The following ANKRD17 variants were observed in gnomAD, a reference collection of about 807,000 sequenced individuals.
The protein encoded by ANKRD17 is ankyrin repeat domain 17.
ANKRD17 carries 19 observed loss-of-function variants against 229.7 expected under a neutral mutation model. The ratio of observed to expected loss-of-function variants is 0.08; its 90% confidence interval spans 0.06 to 0.12. The LOEUF (loss-of-function observed/expected upper bound fraction) is 0.12, where lower values mean the gene tolerates loss of function less well. Ranked by LOEUF, ANKRD17 falls within the 10% of genes least tolerant of loss-of-function variation. The probability of loss-of-function intolerance (pLI) is 1.00; values close to 1 mark genes in which losing one functional copy is unlikely to be tolerated. For missense variants in ANKRD17, 2,176 were observed against 3,176.8 expected (o/e 0.68, Z 7.57); for synonymous variants, 1,112 against 1,146.1 (o/e 0.97, Z 0.60).
intron 25 of ANKRD17, chr4:73,101,094 T>A: frequency 1.2e-6 from 1 of 856,402 alleles, no homozygotes; most frequent in South Asian, 5.4e-5. Context: ...TGCATAATTT[T>A]TATGCAAATA....
chr4:73,213,975 T>C (rs1740662580), intron 1 of ANKRD17, among the ~76,000 whole-genome samples: 1 of 152,222 alleles, frequency 6.6e-6, no homozygotes, highest in Non-Finnish European at 1.5e-5. Flanking sequence ...TTCATATATC[T>C]GTTTCACTTA....
chr4:73,170,891 A>G (rs552855667), intron 2 of ANKRD17, among the ~76,000 whole-genome samples: 1 of 152,064 alleles, frequency 6.6e-6, no homozygotes, highest in Non-Finnish European at 1.5e-5. Context: ...AAGGTTTTTG[A>G]CCTCAGTTCC....
At position 73,159,282 on chromosome 4, in the gene ANKRD17, C is replaced by A. The variant is rs573138230; in HGVS notation, c.704+1910G>T. On this transcript the variant is annotated intron_variant, in intron 3 of 33. Transcript: ENST00000358602. Reference sequence around the variant, plus strand: ...AGACATTTCCTGTATAAGAGCATACCTTTTCTCTCTTTCAAAGTAGTCTCT... The same window carrying A: ...AGACATTTCCTGTATAAGAGCATACATTTTCTCTCTTTCAAAGTAGTCTCT... 5.3e-5 allele frequency among the ~76,000 whole-genome samples: 8 copies of A among 152,102 alleles called. No individual in the cohort carries two copies. In the South Asian group the frequency reaches 6.2e-4, roughly 12 times the overall value.
intron 25 of ANKRD17, among the ~76,000 whole-genome samples, chr4:73,099,607 G>A (rs771114387): frequency 5.9e-5 from 9 of 152,206 alleles, no homozygotes; most frequent in Admixed American, 4.6e-4. Context: ...ATCTCATCCT[G>A]GCATGCCCTA....
chr4:73,162,856 T>C (rs1430368095), intron 2 of ANKRD17, among the ~76,000 whole-genome samples: 1 of 151,264 alleles, frequency 6.6e-6, no homozygotes, highest in Non-Finnish European at 1.5e-5. Context: ...TTTTGTTTTG[T>C]TTTTGTTTTT....
intron 1 of ANKRD17, among the ~76,000 whole-genome samples, chr4:73,192,109 T>C (rs1307519027): frequency 6.6e-6 from 1 of 152,090 alleles, no homozygotes; most frequent in Non-Finnish European, 1.5e-5. Context: ...CTCTTTTGCC[T>C]ACATTATTTA....
At chr4:73,170,726 G>A (rs1348097866) in intron 2 of ANKRD17, among the ~76,000 whole-genome samples, 3 of 152,264 alleles carry the variant, frequency 2.0e-5, no homozygotes, top group East Asian at 1.9e-4. Context: ...GCACATTGGC[G>A]GTAGCCTGGC....
rs771142321 is a variant in ANKRD17, at chr4:73,140,114, G to A, written c.2502C>T (p.Ser834=). ...GTTGGTCAGCATGAGCCAGTTCCAA[G>A]GACTGCAGCTGTGCATTCTTTTCTA... ...EAIEKNAQLQ[S]LELAHADQLT... is the part of the protein sequence containing the mutation. The change falls in exon 15 of 34, where the codon TCC becomes TCT. Residue 834 remains serine (S), a synonymous_variant. Coordinates refer to ENST00000358602, the MANE Select transcript of ANKRD17 (RefSeq NM_032217.5). 4 of 1,614,170 alleles carry A rather than the reference G, an allele frequency of 2.5e-6. No individual in the cohort carries two copies. In the Admixed American group the frequency reaches 5.0e-5, roughly 20 times the overall value.
chr4:73,175,570 A>G (rs1355559519), intron 2 of ANKRD17, among the ~76,000 whole-genome samples: 1 of 152,246 alleles, frequency 6.6e-6, no homozygotes, highest in Non-Finnish European at 1.5e-5. Context: ...ACAGAGTTAT[A>G]GTAACCAAAA....
chr4:73,155,917 G>T, intron 4 of ANKRD17, 102 bp downstream of exon 4: 1 of 1,487,134 alleles, frequency 6.7e-7, no homozygotes, highest in African/African-American at 1.4e-5. Context: ...ACTATTTGTT[G>T]AAATAATCCT....
intron 2 of ANKRD17, among the ~76,000 whole-genome samples, chr4:73,165,120 A>G (rs1733060950): frequency 6.6e-6 from 1 of 152,166 alleles, no homozygotes; most frequent in Non-Finnish European, 1.5e-5. Context: ...AAGACAAAGT[A>G]AACCAGAGAA....
chr4:73,254,842 T>C (rs1578537599), intron 1 of ANKRD17, among the ~76,000 whole-genome samples: 1 of 152,170 alleles, frequency 6.6e-6, no homozygotes, highest in South Asian at 2.1e-4. Flanking sequence ...TAGAATGCAA[T>C]GTTATTTCTA....
Position 73,079,397 on chromosome 4 carries a change from T to C in ANKRD17, c.7160-507A>G, listed in dbSNP as rs866794442. On this transcript the variant is annotated intron_variant, in intron 30 of 33. Coordinates refer to ENST00000358602, the MANE Select transcript of ANKRD17 (RefSeq NM_032217.5). ...ATTTATTCATTTTTTATTTATTTTA[T>C]TTATGTATTTTTGGAGACAGAGTCT... Among the ~76,000 whole-genome samples the C allele has an allele frequency of 4.6e-5, 7 of 152,170 alleles. No individual in the cohort carries two copies. The South Asian group carries it at 1.5e-3, about 32-fold the overall frequency.
chr4:73,095,454 T>G (rs1020159137), intron 27 of ANKRD17, among the ~76,000 whole-genome samples: 1 of 151,138 alleles, frequency 6.6e-6, no homozygotes, highest in Non-Finnish European at 1.5e-5. Context: ...TACAAAAAAT[T>G]ACCCGGGCAT....
chr4:73,179,516 A>AT (rs1329977316), intron 1 of ANKRD17, among the ~76,000 whole-genome samples: 56 of 57,142 alleles, frequency 9.8e-4, no homozygotes, highest in African/African-American at 2.9e-3. Context: ...ATATATATAT[A>AT]TATTTTTTTT....
intron 16 of ANKRD17, among the ~76,000 whole-genome samples, chr4:73,132,698 TAA>T (rs1037204734): frequency 5.3e-5 from 8 of 152,116 alleles, no homozygotes; most frequent in Non-Finnish European, 7.4e-5. Context: ...TAATTTTAAT[TAA>T]AAAATTACAT....
chr4:73,177,167 T>C (rs971513097), intron 2 of ANKRD17, among the ~76,000 whole-genome samples: 1 of 152,206 alleles, frequency 6.6e-6, no homozygotes, highest in Non-Finnish European at 1.5e-5. Flanking sequence ...CTTTGTAAGG[T>C]CAACTGTAGC....
chr4:73,087,506 C>G (rs566769362), intron 29 of ANKRD17, among the ~76,000 whole-genome samples: 1 of 152,292 alleles, frequency 6.6e-6, no homozygotes, highest in East Asian at 1.9e-4. Flanking sequence ...AACTTGCCCA[C>G]AGAGTCAATG....
intron 20 of ANKRD17, among the ~76,000 whole-genome samples, chr4:73,120,541 C>CAA (rs34780921): frequency 8.1e-4 from 95 of 117,976 alleles, no homozygotes; most frequent in Middle Eastern, 4.5e-3. Context: ...AACGGTATTG[C>CAA]AAAAAAAAAA....
Sources: allele counts gnomAD v4.1 joint callset (sites outside exome capture counted in the v4.1 genomes callset), GRCh38; gene constraint gnomAD v4.1.1; transcripts MANE v1.5; gene names NCBI Gene and HGNC (gene_info 2026-07-23, HGNC 2026-07-21).